Variants in ADCY10 observed in about 807,000 individuals in gnomAD.
ADCY10 encodes adenylate cyclase 10.
A neutral mutation model predicts 183.3 loss-of-function variants in ADCY10; 156 were observed. The ratio of observed to expected loss-of-function variants is 0.85; its 90% confidence interval spans 0.75 to 0.97. The LOEUF is 0.97. Among genes scored for constraint, ADCY10 ranks in the 50% least tolerant of loss-of-function variants. ADCY10 has a pLI of 0.00. For synonymous variants in ADCY10, 645 were observed against 670.0 expected, an observed-to-expected ratio of 0.96 and a Z score of 0.58; for missense variants, 1,745 against 1,934.3, an observed-to-expected ratio of 0.90 and a Z score of 1.84.
At chr1:167,821,980 A>G (rs755636548) in intron 30 of ADCY10, 44 bp downstream of exon 30, 3 of 1,320,388 alleles carry the variant, frequency 2.3e-6, no homozygotes, top group Non-Finnish European at 3.3e-6. Flanking sequence ...TTGGGATTCA[A>G]CATTTTCACT....
intron 28 of ADCY10, among the ~76,000 whole-genome samples, chr1:167,823,474 G>A (rs1663059922): frequency 6.6e-6 from 1 of 150,684 alleles, no homozygotes; most frequent in African/African-American, 2.4e-5. Context: ...TTGGGGCCTC[G>A]GAGGGGAGGG....
intron 9 of ADCY10, among the ~76,000 whole-genome samples, chr1:167,880,866 C>T (rs768595591): frequency 1.3e-5 from 2 of 152,190 alleles, no homozygotes; most frequent in African/African-American, 2.4e-5. Flanking sequence ...GTGCATGCTT[C>T]GGCCTACTCT....
At chr1:167,883,107 G>C (rs1168605203) in intron 9 of ADCY10, among the ~76,000 whole-genome samples, 1 of 152,178 alleles carries the variant, frequency 6.6e-6, no homozygotes, top group Non-Finnish European at 1.5e-5. Flanking sequence ...GTGCGATCTC[G>C]GCTCACTGCA....
Position 167,853,830 on chromosome 1 carries a change from C to CTTTTTTTTTTTTTTTTTTTTTTTTTTTTT in ADCY10, c.2308+522_2308+523insAAAAAAAAAAAAAAAAAAAAAAAAAAAAA, listed in dbSNP as rs538462140. On this transcript the variant is annotated intron_variant, in intron 18 of 32. Coordinates refer to ENST00000367851, the MANE Select transcript of ADCY10 (RefSeq NM_018417.6). Reference sequence around the variant, plus strand: ...TGTTCTTTCATTTCTACTATAGTTACTTTTTTTTTTTTTTTTTTTTTTTTT... The same window carrying CTTTTTTTTTTTTTTTTTTTTTTTTTTTTT: ...TGTTCTTTCATTTCTACTATAGTTACTTTTTTTTTTTTTTTTTTTTTTTTTTTTTTTTTTTTTTTTTTTTTTTTTTTTTT... 1.0e-4 allele frequency among the ~76,000 whole-genome samples: 8 copies of CTTTTTTTTTTTTTTTTTTTTTTTTTTTTT among 77,190 alleles called. 2 individuals carry two copies. The highest frequency in any genetic ancestry group is 3.2e-4 in the Admixed American group (2 of 6,302). 50.6% of individuals were successfully genotyped at this position (77,190 alleles called of 152,430 possible).
intron 12 of ADCY10, among the ~76,000 whole-genome samples, chr1:167,877,929 C>A (rs1197882648): frequency 6.6e-6 from 1 of 152,154 alleles, no homozygotes; most frequent in Non-Finnish European, 1.5e-5. Flanking sequence ...CCTTGTATGT[C>A]ACTGCAAAGA....
chr1:167,818,033 A>G (rs768093408), intron 31 of ADCY10, 39 bp downstream of exon 31: 56 of 1,562,136 alleles, frequency 3.6e-5, no homozygotes, highest in Non-Finnish European at 4.8e-5. Context: ...GATCCATTTA[A>G]GGCATATTTT....
chr1:167,876,424 T>G (rs1159507397), intron 12 of ADCY10, among the ~76,000 whole-genome samples: 1 of 152,136 alleles, frequency 6.6e-6, no homozygotes, highest in African/African-American at 2.4e-5. Context: ...CATAACACTA[T>G]CTCTTGAAGA....
intron 16 of ADCY10, among the ~76,000 whole-genome samples, chr1:167,859,270 T>C (rs1666124764): frequency 6.6e-6 from 1 of 152,228 alleles, no homozygotes; most frequent in African/African-American, 2.4e-5. Flanking sequence ...ACAGTCGTGA[T>C]ATTACTGGGA....
intron 21 of ADCY10, 33 bp from the exon 22 acceptor site, chr1:167,837,351 T>C (rs371232442): frequency 6.4e-7 from 1 of 1,565,118 alleles, no homozygotes; most frequent in Non-Finnish European, 8.8e-7. Context: ...GTATGGGTCA[T>C]TGAAATGTTC....
chr1:167,860,388 G>A (rs1666205201), intron 15 of ADCY10, among the ~76,000 whole-genome samples: 1 of 152,170 alleles, frequency 6.6e-6, no homozygotes, highest in Non-Finnish European at 1.5e-5. Context: ...ACAAGAGGAG[G>A]AGCTTAGGTG....
At chr1:167,818,393 C>CTA in intron 30 of ADCY10, 126 bp from the exon 31 acceptor site, 1 of 844,976 alleles carries the variant, frequency 1.2e-6, no homozygotes, top group African/African-American at 1.7e-5. Flanking sequence ...AGTCTCCTGC[C>CTA]TACCCCTGCT....
intron 8 of ADCY10, among the ~76,000 whole-genome samples, chr1:167,889,865 A>G (rs203856): frequency 0.44 from 67,601 of 152,014 alleles, 15,169 homozygotes; most frequent in Middle Eastern, 0.51. Flanking sequence ...GAATTTCTGT[A>G]TTATCAGTTG....
rs761506428 is a variant in ADCY10 at position 167,902,013 on chromosome 1, T to C, written c.292+3A>G. 1.2e-6 allele frequency: 2 copies of C among 1,612,264 alleles called. No homozygotes were observed. Among genetic ancestry groups the C allele is most frequent in the African/African-American group, 1.3e-5 (1 of 74,166 alleles). ...CCCCTTCTATCTTAGTAAGCCCCCA[T>C]ACCTGCAAATTTCAGGATGTCTCCT... On this transcript the variant is annotated splice_donor_region_variant and intron_variant, in intron 4 of 32. Transcript: ENST00000367851.
intron 18 of ADCY10, among the ~76,000 whole-genome samples, chr1:167,850,796 A>C (rs1430382847): frequency 6.6e-6 from 1 of 151,816 alleles, no homozygotes; most frequent in African/African-American, 2.4e-5. Flanking sequence ...CATTGAGACA[A>C]CCATTCTTTC....
At chr1:167,864,607 GAGAC>G (rs2102081589) in intron 14 of ADCY10, among the ~76,000 whole-genome samples, 1 of 152,144 alleles carries the variant, frequency 6.6e-6, no homozygotes, top group Non-Finnish European at 1.5e-5. Context: ...GGGAGAGAGA[GAGAC>G]AGAAAGTCAA....
At chr1:167,831,672 C>G (rs17482876) in intron 25 of ADCY10, among the ~76,000 whole-genome samples, 13,636 of 152,260 alleles carry the variant, frequency 0.09, 671 homozygotes, top group Middle Eastern at 0.12. Context: ...TGTGCAGGTA[C>G]TTCTTACTCC....
In ADCY10 at chr1:167,845,605, T is replaced by A. The variant is rs774072657; in HGVS notation, c.2965A>T (p.Met989Leu). The A allele has an allele frequency of 6.2e-7, 1 of 1,614,262 alleles. No homozygotes were observed. The highest frequency in any genetic ancestry group is 8.5e-7 in the Non-Finnish European group (1 of 1,180,044). Residue 989 changes from methionine (M) to leucine (L), a missense_variant, in exon 21 of 33, where the codon ATG (methionine) becomes TTG (leucine). Transcript: ENST00000367851. ...TVNIRLNALDMDAIKKMAMSH... is the reference protein window; with the variant it reads ...TVNIRLNALDLDAIKKMAMSH... ...ATAGCCATCTTTTTAATGGCATCCA[T>A]GTCTAAAGCGTTGAGCCGAATATTC...
chr1:167,882,193 A>G (rs1215806581), intron 9 of ADCY10, among the ~76,000 whole-genome samples: 1 of 152,180 alleles, frequency 6.6e-6, no homozygotes, highest in African/African-American at 2.4e-5. Context: ...TTGATTAAGA[A>G]CAGAGTGAAG....
At chr1:167,816,988 C>T (rs1662570684) in intron 31 of ADCY10, among the ~76,000 whole-genome samples, 1 of 152,220 alleles carries the variant, frequency 6.6e-6, no homozygotes, top group Non-Finnish European at 1.5e-5. Flanking sequence ...ATTATGTCTA[C>T]TTATGTAAAT....
Sources: allele counts gnomAD v4.1 joint callset (sites outside exome capture counted in the v4.1 genomes callset), GRCh38; gene constraint gnomAD v4.1.1; transcripts MANE v1.5; gene names NCBI Gene and HGNC (gene_info 2026-07-23, HGNC 2026-07-21).